The following TUSC3 variants were observed in gnomAD, a reference collection of about 807,000 sequenced individuals.
TUSC3 encodes tumor suppressor candidate 3.
Under a neutral mutation model 44.8 loss-of-function variants are expected in TUSC3, and 45 were observed. The ratio of observed to expected loss-of-function variants is 1.00; its 90% confidence interval spans 0.79 to 1.29. TUSC3 has a LOEUF of 1.29. Ranked by LOEUF, TUSC3 falls within the 50% of genes most tolerant of loss-of-function variation. The pLI, the probability that TUSC3 is intolerant of heterozygous loss-of-function variation, is 0.00. For synonymous variants in TUSC3, 212 were observed against 152.9 expected (o/e 1.39, Z -2.85); for missense variants, 519 against 437.9 (o/e 1.19, Z -1.65).
chr8:15,808,003 T>G, the TUSC3 span, among the ~76,000 whole-genome samples: 1 of 151,842 alleles, frequency 6.6e-6, no homozygotes, highest in Non-Finnish European at 1.5e-5. Context: ...TATGTACCTC[T>G]ATTGAATCTA....
rs575411097 is a variant in TUSC3, at chr8:15,512,500, C to A, written n.189+29017C>A. 3.9e-5 allele frequency among the ~76,000 whole-genome samples: 6 copies of A among 152,166 alleles called. No individual in the cohort carries two copies. In the South Asian group the frequency reaches 1.2e-3, roughly 32 times the overall value. The stretch of plus-strand genomic sequence containing the variant: ...CAATAAATGTTTCTCTGGCTGGGCA[C>A]GGTGGCTCACACCTGTAATCCCAGC... On this transcript the variant is annotated intron_variant and non_coding_transcript_variant, in intron 2 of 5. Coordinates refer to the TUSC3 transcript ENST00000503191.
intron 1 of TUSC3, among the ~76,000 whole-genome samples, chr8:15,551,156 C>A (rs1418886027): frequency 6.6e-6 from 1 of 151,564 alleles, no homozygotes; most frequent in Non-Finnish European, 1.5e-5. Context: ...AAAAAGTTTC[C>A]CATTAGTTCT....
chr8:15,508,457 CTT>C (rs1200727081), intron 2 of TUSC3, among the ~76,000 whole-genome samples: 5 of 79,582 alleles, frequency 6.3e-5, no homozygotes, highest in South Asian at 5.2e-4. Flanking sequence ...TCGAAGCTTC[CTT>C]TTTTTTTTTT....
chr8:15,526,154 T>A (rs894692140), intron 2 of TUSC3, among the ~76,000 whole-genome samples: 1 of 151,990 alleles, frequency 6.6e-6, no homozygotes, highest in African/African-American at 2.4e-5. Context: ...TGCCTCAGCC[T>A]CCCGAGTAGC....
chr8:15,720,197 T>TACACACACAC (rs1239480224), intron 6 of TUSC3, among the ~76,000 whole-genome samples: 19 of 105,396 alleles, frequency 1.8e-4, no homozygotes, highest in African/African-American at 7.1e-4. Context: ...AGTGTATATA[T>TACACACACAC]ATATACACAC....
rs191211737 is a variant in TUSC3 at position 15,587,033 on chromosome 8, G to C, written c.139-36047G>C. On this transcript the variant is annotated intron_variant, in intron 1 of 10. Coordinates refer to ENST00000503731, the MANE Select transcript of TUSC3 (RefSeq NM_006765.4). ...CACTGCTTTTCTTAATATGTTAATA[G>C]CCAGTTTTTCTTACTCCCTTCGACA... 1.8e-3 allele frequency among the ~76,000 whole-genome samples: 270 copies of C among 152,266 alleles called. 2 individuals are homozygous for C. Among genetic ancestry groups the C allele is most frequent in the African/African-American group, 4.4e-3 (183 of 41,546 alleles).
At chr8:15,566,326 C>G (rs1386949833) in intron 1 of TUSC3, among the ~76,000 whole-genome samples, 1 of 152,074 alleles carries the variant, frequency 6.6e-6, no homozygotes, top group South Asian at 2.1e-4. Context: ...TAATTTTTTC[C>G]TGGAGCTCAG....
At chr8:15,775,963 A>G in the TUSC3 span, among the ~76,000 whole-genome samples, 2 of 151,950 alleles carry the variant, frequency 1.3e-5, no homozygotes, top group Non-Finnish European at 2.9e-5. Context: ...TAATATTTAA[A>G]TAATGGGGAT....
At chr8:15,741,506 C>T (rs1450650424) in intron 7 of TUSC3, among the ~76,000 whole-genome samples, 2 of 151,988 alleles carry the variant, frequency 1.3e-5, no homozygotes, top group South Asian at 2.1e-4. Flanking sequence ...GCCAGCATGG[C>T]GAAACCCCAA....
chr8:15,456,327 G>A (rs187100965), intron 1 of TUSC3, among the ~76,000 whole-genome samples: 1 of 152,116 alleles, frequency 6.6e-6, no homozygotes, highest in African/African-American at 2.4e-5. Context: ...TGTTGAGAAA[G>A]TTTTACACCA....
intron 2 of TUSC3, among the ~76,000 whole-genome samples, chr8:15,517,837 A>G (rs1047952408): frequency 5.3e-5 from 8 of 151,970 alleles, no homozygotes; most frequent in African/African-American, 1.9e-4. Flanking sequence ...TAAATTTATT[A>G]TCATTTTTTC....
At chr8:15,696,180 G>C (rs538974651) in intron 6 of TUSC3, among the ~76,000 whole-genome samples, 1 of 152,146 alleles carries the variant, frequency 6.6e-6, no homozygotes, top group Non-Finnish European at 1.5e-5. Context: ...AAATAGTTTC[G>C]TGGGCTGGGC....
chr8:15,625,915 G>C (rs1805486280), intron 2 of TUSC3, among the ~76,000 whole-genome samples: 1 of 152,210 alleles, frequency 6.6e-6, no homozygotes. Flanking sequence ...CAGTACTTGA[G>C]AGTGTATAAA....
chr8:15,447,472 C>G (rs1299775542), intron 1 of TUSC3, among the ~76,000 whole-genome samples: 1 of 151,986 alleles, frequency 6.6e-6, no homozygotes, highest in Non-Finnish European at 1.5e-5. Flanking sequence ...TAAAAAGTTT[C>G]CTAGGAAGAA....
intron 1 of TUSC3, among the ~76,000 whole-genome samples, chr8:15,453,731 G>A (rs10094487): frequency 0.33 from 50,655 of 152,018 alleles, 8,693 homozygotes; most frequent in South Asian, 0.39. Context: ...TTGTTACAGT[G>A]GGCAGGTAGT....
chr8:15,738,826 GCTTT>G (rs1811047552), intron 7 of TUSC3, among the ~76,000 whole-genome samples: 1 of 115,404 alleles, frequency 8.7e-6, no homozygotes, highest in Non-Finnish European at 1.7e-5. Context: ...AATATATCTT[GCTTT>G]TTTTTTTTTT....
chr8:15,547,514 T>G (rs983621755), intron 1 of TUSC3, among the ~76,000 whole-genome samples: 1 of 151,674 alleles, frequency 6.6e-6, no homozygotes, highest in African/African-American at 2.4e-5. Flanking sequence ...ATAATAAGGC[T>G]TAAATTATAT....
chr8:15,786,831 C>G, the TUSC3 span, among the ~76,000 whole-genome samples: 2 of 149,430 alleles, frequency 1.3e-5, no homozygotes, highest in African/African-American at 4.9e-5. Flanking sequence ...GTAATCTTAG[C>G]TACTTGGGAG....
intron 1 of TUSC3, among the ~76,000 whole-genome samples, chr8:15,546,252 A>G (rs202157699): frequency 6.6e-6 from 1 of 151,826 alleles, no homozygotes; most frequent in East Asian, 1.9e-4. Context: ...CCTTCGCCAC[A>G]TCTGGCCCAT....
Sources: allele counts gnomAD v4.1 joint callset (sites outside exome capture counted in the v4.1 genomes callset), GRCh38; gene constraint gnomAD v4.1.1; transcripts MANE v1.5; gene names NCBI Gene and HGNC (gene_info 2026-07-23, HGNC 2026-07-21).